RAB7B: variants seen among roughly 807,000 people sequenced by gnomAD.
RAB7B encodes ras-related protein Rab-7b.
intron 4 of RAB7B, 126 bp from the exon 5 acceptor site, chr1:205,985,791 G>GCCCACCATCCCCACCATCCC (rs1660590825): frequency 3.6e-6 from 1 of 277,478 alleles, no homozygotes; most frequent in Non-Finnish European, 6.3e-6. Context: ...TCCCCACCAG[G>GCCCACCATCCCCACCATCCC]CCCACCATCC....
intron 2 of RAB7B, 148 bp downstream of exon 2, chr1:205,993,935 A>G (rs900522458): frequency 5.1e-6 from 2 of 395,972 alleles, no homozygotes; most frequent in South Asian, 1.4e-4. Context: ...CTTTGTCCCA[A>G]CTAAGCTTCT....
intron 4 of RAB7B, among the ~76,000 whole-genome samples, chr1:205,990,944 C>T (rs916473423): frequency 3.3e-5 from 5 of 152,018 alleles, no homozygotes; most frequent in East Asian, 1.9e-4. Context: ...CCCACCACCA[C>T]GTATTTTTAG....
chr1:206,000,675 T>A (rs1323732663), intron 1 of RAB7B, among the ~76,000 whole-genome samples: 1 of 151,786 alleles, frequency 6.6e-6, no homozygotes, highest in African/African-American at 2.4e-5. Flanking sequence ...AGGGGGTGAG[T>A]CTAGAGGCCA....
intron 1 of RAB7B, among the ~76,000 whole-genome samples, chr1:205,996,935 A>G (rs1430677102): frequency 1.3e-5 from 2 of 152,182 alleles, no homozygotes; most frequent in Admixed American, 6.5e-5. Flanking sequence ...CCATGATCTA[A>G]TCACCTCCCA....
intron 5 of RAB7B, among the ~76,000 whole-genome samples, chr1:205,981,068 T>C (rs1660483517): frequency 6.6e-6 from 1 of 151,720 alleles, no homozygotes; most frequent in Non-Finnish European, 1.5e-5. Flanking sequence ...GCCCACCTAG[T>C]TTTTTATATT....
At chr1:205,978,972 G>C (rs1187338620) in intron 5 of RAB7B, 44 bp from the exon 6 acceptor site, 5 of 398,430 alleles carry the variant, frequency 1.3e-5, no homozygotes, top group Non-Finnish European at 1.8e-5. Context: ...CTGAGATACA[G>C]AGTGCACCGC....
chr1:205,987,937 G>A (rs1282662384), intron 4 of RAB7B, among the ~76,000 whole-genome samples: 9 of 151,774 alleles, frequency 5.9e-5, no homozygotes, highest in African/African-American at 1.9e-4. Flanking sequence ...AGAGATGGGG[G>A]TCTCACTATG....
chr1:205,996,814 T>A (rs1480351858), intron 1 of RAB7B, among the ~76,000 whole-genome samples: 1 of 152,148 alleles, frequency 6.6e-6, no homozygotes, highest in Admixed American at 6.5e-5. Flanking sequence ...CTTCTTTACA[T>A]GGCAGCAGGG....
chr1:205,987,747 T>A (rs1175197108), intron 4 of RAB7B, among the ~76,000 whole-genome samples: 1 of 152,226 alleles, frequency 6.6e-6, no homozygotes, highest in African/African-American at 2.4e-5. Context: ...TAAACTATTT[T>A]TTTTCAATAT....
intron 4 of RAB7B, among the ~76,000 whole-genome samples, chr1:205,986,493 A>T (rs1188457210): frequency 2.0e-5 from 3 of 152,228 alleles, no homozygotes; most frequent in Non-Finnish European, 4.4e-5. Flanking sequence ...TCTACAGGGC[A>T]CTGCATAAGA....
chr1:205,992,427 C>T, intron 4 of RAB7B, 53 bp downstream of exon 4: 1 of 398,530 alleles, frequency 2.5e-6, no homozygotes, highest in Admixed American at 4.4e-5. Flanking sequence ...GTGCCTGGCA[C>T]ATAGTGGGTG....
intron 1 of RAB7B, among the ~76,000 whole-genome samples, chr1:206,000,649 G>A (rs1660877744): frequency 6.6e-6 from 1 of 152,196 alleles, no homozygotes; most frequent in Admixed American, 6.5e-5. Context: ...CCAGATAATT[G>A]TTTACCAGCT....
chr1:205,979,819 C>T (rs1042381917), intron 5 of RAB7B, among the ~76,000 whole-genome samples: 18,200 of 152,154 alleles, frequency 0.12, 1,223 homozygotes, highest in Non-Finnish European at 0.15. Flanking sequence ...CTGTGTATCA[C>T]GCAAAATTGT....
At chr1:205,979,758 T>C (rs1310286387) in intron 5 of RAB7B, among the ~76,000 whole-genome samples, 2 of 152,080 alleles carry the variant, frequency 1.3e-5, no homozygotes, top group African/African-American at 4.8e-5. Flanking sequence ...TCACTCTACG[T>C]GGAAGGGGTT....
chr1:205,988,709 T>C (rs1475306718), intron 4 of RAB7B, among the ~76,000 whole-genome samples: 1 of 152,178 alleles, frequency 6.6e-6, no homozygotes, highest in Non-Finnish European at 1.5e-5. Flanking sequence ...TGTGTTCTGG[T>C]CTCCGCCCCG....
intron 5 of RAB7B, among the ~76,000 whole-genome samples, chr1:205,981,356 T>C (rs969618967): frequency 6.6e-4 from 100 of 152,382 alleles, no homozygotes; most frequent in African/African-American, 2.0e-3. Flanking sequence ...TAAAGTAATC[T>C]ACCTTTCCTT....
chr1:205,988,245 TTC>T (rs1165667843), intron 4 of RAB7B, among the ~76,000 whole-genome samples: 35,415 of 78,396 alleles, frequency 0.45, 6,332 homozygotes, highest in Non-Finnish European at 0.56. Context: ...TTTTTTTTTT[TTC>T]TTTTAGTGTC....
intron 4 of RAB7B, among the ~76,000 whole-genome samples, chr1:205,990,265 G>A (rs1660697345): frequency 6.6e-6 from 1 of 152,164 alleles, no homozygotes; most frequent in Non-Finnish European, 1.5e-5. Flanking sequence ...GAGTTGTGTT[G>A]TGGGCACAAC....
chr1:205,984,868 C>A, intron 5 of RAB7B, among the ~76,000 whole-genome samples: 1 of 152,134 alleles, frequency 6.6e-6, no homozygotes, highest in African/African-American at 2.4e-5. Flanking sequence ...CTCCCACTCC[C>A]TTCTTCCCTC....
Sources: allele counts gnomAD v4.1 joint callset (sites outside exome capture counted in the v4.1 genomes callset), GRCh38; gene constraint gnomAD v4.1.1; transcripts MANE v1.5; gene names NCBI Gene and HGNC (gene_info 2026-07-23, HGNC 2026-07-21).